TEAD1: variants seen among roughly 807,000 people sequenced by gnomAD.
TEAD1 encodes TEA domain transcription factor 1, also known as transcriptional enhancer factor TEF-1.
Under a neutral mutation model 54.9 loss-of-function variants are expected in TEAD1, and 9 were observed. The ratio of observed to expected loss-of-function variants is 0.16; its 90% CI spans 0.10 to 0.29. The LOEUF is 0.29. Ranked by LOEUF, TEAD1 falls within the 10% of genes least tolerant of loss-of-function variation. TEAD1 has a pLI of 1.00. For synonymous variants in TEAD1, 200 were observed against 187.8 expected (o/e 1.07, Z -0.53); for missense variants, 387 against 535.9 (o/e 0.72, Z 2.74).
At chr11:12,811,372 T>C (rs1330662935) in intron 3 of TEAD1, among the ~76,000 whole-genome samples, 1 of 152,222 alleles carries the variant, frequency 6.6e-6, no homozygotes, top group Non-Finnish European at 1.5e-5. Flanking sequence ...TTGGTAATGA[T>C]GCCATCTAAG....
At chr11:12,797,497 C>T (rs1403211714) in intron 3 of TEAD1, among the ~76,000 whole-genome samples, 4 of 151,918 alleles carry the variant, frequency 2.6e-5, no homozygotes, top group Non-Finnish European at 5.9e-5. Flanking sequence ...GTGCCACCCA[C>T]CCCATCCCAT....
At chr11:12,691,849 A>G (rs1323788704) in intron 2 of TEAD1, among the ~76,000 whole-genome samples, 1 of 152,138 alleles carries the variant, frequency 6.6e-6, no homozygotes, top group African/African-American at 2.4e-5. Context: ...ATTGTTGGGT[A>G]CGTTTGTACT....
chr11:12,719,247 A>T (rs56281759), intron 2 of TEAD1, among the ~76,000 whole-genome samples: 11,063 of 151,892 alleles, frequency 0.073, 1,394 homozygotes, highest in African/African-American at 0.25. Context: ...GGGACCTTTG[A>T]CTCTGCCTAG....
At chr11:12,789,235 C>T (rs886344702) in intron 3 of TEAD1, among the ~76,000 whole-genome samples, 3 of 152,118 alleles carry the variant, frequency 2.0e-5, no homozygotes, top group East Asian at 3.9e-4. Flanking sequence ...TGAAACCTAC[C>T]CCGAGGACTG....
intron 2 of TEAD1, among the ~76,000 whole-genome samples, chr11:12,689,965 G>A (rs1299536730): frequency 2.6e-5 from 4 of 152,076 alleles, no homozygotes; most frequent in Non-Finnish European, 4.4e-5. Flanking sequence ...TGTTGGCCGG[G>A]CACGGTGGCT....
At chr11:12,929,204 G>GTGT (rs746048067) in intron 11 of TEAD1, among the ~76,000 whole-genome samples, 10,575 of 139,056 alleles carry the variant, frequency 0.076, 534 homozygotes, top group Middle Eastern at 0.16. Flanking sequence ...GTGTGTGTCT[G>GTGT]CTTTAGGGTT....
rs1235132877 is a variant in TEAD1, at chr11:12,740,773, T to TGGGGGGGG, written c.-54-23402_-54-23401insGGGGGGGG. Among the ~76,000 whole-genome samples, 12 of 152,074 alleles carry TGGGGGGGG rather than the reference T, an allele frequency of 7.9e-5. No homozygotes were observed. In the South Asian group the frequency reaches 1.7e-3, roughly 21 times the overall value. On this transcript the variant is annotated intron_variant, in intron 2 of 12. Coordinates refer to ENST00000527636, the MANE Select transcript of TEAD1 (RefSeq NM_021961.6). ...CCCACCAGGTCACTCCCACGACACA[T>TGGGGGGGG]GGGGATCATGGGAACTACAATTCAA...
At chr11:12,924,504 T>C (rs1174725339) in intron 10 of TEAD1, among the ~76,000 whole-genome samples, 1 of 152,320 alleles carries the variant, frequency 6.6e-6, no homozygotes, top group Non-Finnish European at 1.5e-5. Context: ...AAGTTTCTGT[T>C]TGTACATATA....
intron 2 of TEAD1, among the ~76,000 whole-genome samples, chr11:12,724,735 G>A (rs1944280975): frequency 6.6e-6 from 1 of 152,160 alleles, no homozygotes; most frequent in Admixed American, 6.5e-5. Flanking sequence ...CTCAGTGGGG[G>A]CCCTACTCTG....
intron 2 of TEAD1, among the ~76,000 whole-genome samples, chr11:12,716,591 T>C (rs770222798): frequency 6.6e-6 from 1 of 152,256 alleles, no homozygotes; most frequent in African/African-American, 2.4e-5. Flanking sequence ...TTTTTGACTT[T>C]GCAGGTCACC....
Position 12,943,788 on chromosome 11 carries a change from T to C in TEAD1, c.*6566T>C, listed in dbSNP as rs1590011675. 1 of 152,262 alleles carries C rather than the reference T, an allele frequency of 6.6e-6. No homozygotes were observed. The highest frequency in any genetic ancestry group is 1.9e-4 in the East Asian group (1 of 5,190). 9.4% of individuals were successfully genotyped at this position (152,262 alleles called of 1,614,324 possible). On this transcript the variant is annotated 3_prime_UTR_variant, in exon 13 of 13. Coordinates refer to ENST00000527636, the MANE Select transcript of TEAD1 (RefSeq NM_021961.6). ...AGTTATTTTCTATCATTAGTTTCAC[T>C]GTGTAAATTAGATATCAACTGCACT...
At chr11:12,810,054 C>T (rs1398526768) in intron 3 of TEAD1, among the ~76,000 whole-genome samples, 1 of 142,122 alleles carries the variant, frequency 7.0e-6, no homozygotes, top group East Asian at 2.1e-4. Flanking sequence ...AATCTTAGCT[C>T]ACTGCAAGCT....
At chr11:12,790,769 C>G (rs1323090896) in intron 3 of TEAD1, among the ~76,000 whole-genome samples, 1 of 152,196 alleles carries the variant, frequency 6.6e-6, no homozygotes, top group Non-Finnish European at 1.5e-5. Context: ...TGAAAAGATA[C>G]TTAACATTAG....
chr11:12,864,800 G>T lies in TEAD1; in HGVS notation c.268-38G>T, dbSNP rs1403646165. ...GGGCTTTTCATCTCCATGGTTACAGGCTTTTCCTTTGTTTTCCTCCCTTCC... is the reference window on the plus strand; with the variant it reads ...GGGCTTTTCATCTCCATGGTTACAGTCTTTTCCTTTGTTTTCCTCCCTTCC... On this transcript the variant is annotated intron_variant, in intron 4 of 12. Coordinates refer to ENST00000527636, the MANE Select transcript of TEAD1 (RefSeq NM_021961.6). 7.4e-6 allele frequency: 12 copies of T among 1,613,810 alleles called. No individual in the cohort carries two copies. The East Asian group carries it at 2.7e-4, about 36-fold the overall frequency.
At chr11:12,694,152 C>T (rs772676826) in intron 2 of TEAD1, among the ~76,000 whole-genome samples, 7 of 152,210 alleles carry the variant, frequency 4.6e-5, no homozygotes, top group Non-Finnish European at 1.0e-4. Context: ...GCAAATGTTT[C>T]AAGGGGCTTT....
intron 2 of TEAD1, among the ~76,000 whole-genome samples, chr11:12,761,111 G>A (rs969849771): frequency 7.2e-5 from 11 of 152,144 alleles, no homozygotes; most frequent in African/African-American, 2.7e-4. Flanking sequence ...AAAAACGTGA[G>A]CATTTAAAAC....
At chr11:12,730,018 G>C (rs538540615) in intron 2 of TEAD1, among the ~76,000 whole-genome samples, 141 of 152,164 alleles carry the variant, frequency 9.3e-4, no homozygotes, top group African/African-American at 3.2e-3. Flanking sequence ...AAGGTAACTG[G>C]GTCTAACATA....
intron 9 of TEAD1, among the ~76,000 whole-genome samples, chr11:12,896,310 A>T (rs2134120935): frequency 6.6e-6 from 1 of 152,086 alleles, no homozygotes; most frequent in South Asian, 2.1e-4. Flanking sequence ...CCACGGATCC[A>T]CTCTGGACTG....
At chr11:12,734,267 A>G (rs1197283039) in intron 2 of TEAD1, among the ~76,000 whole-genome samples, 2 of 152,234 alleles carry the variant, frequency 1.3e-5, no homozygotes, top group Non-Finnish European at 2.9e-5. Flanking sequence ...AATTTTAAGT[A>G]GAAAGCTTAT....
Sources: allele counts gnomAD v4.1 joint callset (sites outside exome capture counted in the v4.1 genomes callset), GRCh38; gene constraint gnomAD v4.1.1; transcripts MANE v1.5; gene names NCBI Gene and HGNC (gene_info 2026-07-23, HGNC 2026-07-21).